PDE11A: variants seen among roughly 807,000 people sequenced by gnomAD.
PDE11A encodes phosphodiesterase 11A.
A neutral mutation model predicts 100.5 loss-of-function variants in PDE11A; 100 were observed. That is an observed-to-expected ratio of 1.00 (90% CI 0.85 to 1.18). The LOEUF is 1.18. PDE11A is among the 50% of genes most tolerant of loss of function. PDE11A has a pLI of 0.00. For missense variants in PDE11A, 1,141 were observed against 1,152.6 expected (o/e 0.99, Z 0.15); for synonymous variants, 381 against 420.8 (o/e 0.91, Z 1.16).
At chr2:177,967,200 C>CTTTTT (rs34293348) in intron 2 of PDE11A, among the ~76,000 whole-genome samples, 14 of 106,204 alleles carry the variant, frequency 1.3e-4, no homozygotes, top group South Asian at 3.2e-4. Context: ...TCTCCTTTGT[C>CTTTTT]TTTTTTTTTT....
intron 9 of PDE11A, among the ~76,000 whole-genome samples, chr2:177,807,565 C>T (rs1224792625): frequency 9.9e-5 from 15 of 151,950 alleles, no homozygotes; most frequent in South Asian, 2.1e-4. Flanking sequence ...GGACTACAAG[C>T]GCATGCCACC....
At chr2:177,769,923 C>G (rs1025911327) in intron 9 of PDE11A, among the ~76,000 whole-genome samples, 26 of 146,236 alleles carry the variant, frequency 1.8e-4, no homozygotes, top group African/African-American at 6.3e-4. Context: ...TGCTGTGGCT[C>G]AAAACTGTAG....
At chr2:178,003,854 T>C (rs768433175) in intron 2 of PDE11A, among the ~76,000 whole-genome samples, 1 of 152,076 alleles carries the variant, frequency 6.6e-6, no homozygotes, top group Non-Finnish European at 1.5e-5. Context: ...AGCAATTTAA[T>C]AGTTCAACCT....
intron 5 of PDE11A, among the ~76,000 whole-genome samples, chr2:177,847,344 G>A (rs368883099): frequency 6.6e-5 from 10 of 152,062 alleles, no homozygotes; most frequent in African/African-American, 2.4e-4. Context: ...CAACTTTCTT[G>A]AGTCTAAATT....
chr2:177,701,273 T>A, intron 13 of PDE11A, 62 bp from the exon 14 acceptor site: 1 of 821,032 alleles, frequency 1.2e-6, no homozygotes. Context: ...ACCAGCTTTT[T>A]GGATCAAACT....
At chr2:177,664,819 A>G (rs1410094156) in intron 18 of PDE11A, among the ~76,000 whole-genome samples, 1 of 152,122 alleles carries the variant, frequency 6.6e-6, no homozygotes, top group African/African-American at 2.4e-5. Flanking sequence ...TTAATGTTAT[A>G]TAGTAAGTTT....
At chr2:177,875,210 C>T (rs896356080) in intron 5 of PDE11A, among the ~76,000 whole-genome samples, 20 of 151,428 alleles carry the variant, frequency 1.3e-4, no homozygotes, top group African/African-American at 4.9e-4. Context: ...GGTGACAGAG[C>T]GAGACTCCAC....
intron 15 of PDE11A, among the ~76,000 whole-genome samples, chr2:177,686,182 C>T (rs942406597): frequency 1.3e-5 from 2 of 152,148 alleles, no homozygotes; most frequent in African/African-American, 4.8e-5. Flanking sequence ...TCTGTCGTCC[C>T]AAGGTTTGAT....
chr2:177,851,123 C>A (rs1241111063), intron 5 of PDE11A, among the ~76,000 whole-genome samples: 1 of 152,104 alleles, frequency 6.6e-6, no homozygotes, highest in African/African-American at 2.4e-5. Flanking sequence ...ATAGCAAAGA[C>A]TTGGAACCAA....
intron 2 of PDE11A, among the ~76,000 whole-genome samples, chr2:177,968,330 A>G (rs1375789551): frequency 3.9e-5 from 6 of 152,210 alleles, no homozygotes; most frequent in African/African-American, 1.2e-4. Flanking sequence ...CAATAAAATA[A>G]TTTGTTCAGG....
chr2:178,051,632 C>T (rs2086828538), intron 1 of PDE11A, among the ~76,000 whole-genome samples: 1 of 152,114 alleles, frequency 6.6e-6, no homozygotes, highest in African/African-American at 2.4e-5. Context: ...CAGAGACACA[C>T]ATAGGCTCAA....
intron 1 of PDE11A, among the ~76,000 whole-genome samples, chr2:178,032,422 T>G (rs1357820998): frequency 1.3e-5 from 2 of 150,982 alleles, no homozygotes; most frequent in East Asian, 3.9e-4. Context: ...AGGCAGAGGT[T>G]GCAGTGAACC....
intron 1 of PDE11A, among the ~76,000 whole-genome samples, chr2:178,071,272 T>G (rs1395578127): frequency 6.6e-6 from 1 of 152,152 alleles, no homozygotes; most frequent in Non-Finnish European, 1.5e-5. Context: ...AAAGACAAAG[T>G]GTCTTGACAG....
rs367974620 is a variant in PDE11A, at chr2:178,029,213, G to A, written c.913-14753C>T. ...TCCATGATTGACATGAAAAGTTTAT[G>A]AAAATTCACCAAAAGCTAAGTCATC... On this transcript the variant is annotated intron_variant, in intron 1 of 19. Coordinates refer to ENST00000286063, the MANE Select transcript of PDE11A (RefSeq NM_016953.4). Among the ~76,000 whole-genome samples, 5 of 152,238 alleles carry A rather than the reference G, an allele frequency of 3.3e-5. No homozygotes were observed. In the East Asian group the frequency reaches 9.6e-4, roughly 29 times the overall value.
At chr2:177,842,788 G>A (rs1413162089) in intron 5 of PDE11A, among the ~76,000 whole-genome samples, 2 of 152,194 alleles carry the variant, frequency 1.3e-5, no homozygotes, top group Admixed American at 6.5e-5. Flanking sequence ...ACTGCCTGTG[G>A]CCCTATTAGC....
chr2:177,870,765 G>A (rs542940188), intron 5 of PDE11A, among the ~76,000 whole-genome samples: 59 of 152,050 alleles, frequency 3.9e-4, no homozygotes, highest in Non-Finnish European at 6.8e-4. Flanking sequence ...GGAAAAAAAC[G>A]GGATAATTCA....
chr2:177,664,067 C>A, intron 18 of PDE11A, 118 bp from the exon 19 acceptor site: 2 of 695,586 alleles, frequency 2.9e-6, no homozygotes, highest in Non-Finnish European at 2.6e-6. Flanking sequence ...CTTCGCAAAT[C>A]ACAATCAATC....
At chr2:177,709,944 A>T (rs1343850252) in intron 13 of PDE11A, among the ~76,000 whole-genome samples, 1 of 152,120 alleles carries the variant, frequency 6.6e-6, no homozygotes, top group Non-Finnish European at 1.5e-5. Context: ...GGAGAAGGGA[A>T]GGAAGTGAAC....
Position 177,992,493 on chromosome 2 carries a change from G to A in PDE11A, c.1071+21809C>T, listed in dbSNP as rs549525392. 2.6e-5 allele frequency among the ~76,000 whole-genome samples: 4 copies of A among 152,314 alleles called. No homozygotes were observed. The South Asian group carries it at 8.3e-4, about 32-fold the overall frequency. The stretch of plus-strand genomic sequence containing the variant: ...ACCATTCATGCTATTTGCCTCTTCA[G>A]TAAGTATCCGCCTCCTACCTATTCT... On this transcript the variant is annotated intron_variant, in intron 2 of 19. Transcript: ENST00000286063.
Sources: gnomAD v4.1 joint callset for allele counts (sites outside exome capture counted in the v4.1 genomes callset) on GRCh38, gnomAD v4.1.1 for gene constraint, MANE v1.5 for transcripts, NCBI Gene and HGNC (gene_info 2026-07-23, HGNC 2026-07-21) for gene names.